Variants in TTYH1 observed in about 807,000 individuals in gnomAD.
The protein encoded by TTYH1 is tweety family member 1.
TTYH1 carries 33 observed loss-of-function variants against 61.2 expected under a neutral mutation model. The ratio of observed to expected loss-of-function variants is 0.54; its 90% confidence interval spans 0.41 to 0.72. The LOEUF (loss-of-function observed/expected upper bound fraction) is 0.72, where lower values mean the gene tolerates loss of function less well. Ranked by LOEUF, TTYH1 falls within the 30% of genes least tolerant of loss-of-function variation. The pLI, the probability that TTYH1 is intolerant of heterozygous loss-of-function variation, is 0.00. For missense variants in TTYH1, 538 were observed against 575.8 expected (o/e 0.93, Z 0.67); for synonymous variants, 308 against 266.4 (o/e 1.16, Z -1.52).
Position 54,436,807 on chromosome 19 carries a change from C to T in TTYH1, c.*517C>T, listed in dbSNP as rs2083563065. The T allele has an allele frequency of 5.6e-6, 1 of 178,932 alleles. No homozygotes were observed. Among genetic ancestry groups the T allele is most frequent in the African/African-American group, 2.4e-5 (1 of 42,250 alleles). The allele number at this position is 178,932 out of a possible 1,614,324, so 11.1% of individuals were successfully genotyped here. On this transcript the variant is annotated 3_prime_UTR_variant, in exon 14 of 14. Coordinates refer to ENST00000376530, the MANE Select transcript of TTYH1 (RefSeq NM_020659.4). This position sits in a 1 kb window ranked among gnomAD's most constrained non-coding sequence, Gnocchi z 4.3. ...TCCCTGCTGTCCTCTCTCCCCCGGC[C>T]TCCCAGCTGCCAGGAATTTCTGCGC...
At chr19:54,426,146 C>G (rs1232627167) in intron 4 of TTYH1, among the ~76,000 whole-genome samples, 1 of 151,878 alleles carries the variant, frequency 6.6e-6, no homozygotes, top group Non-Finnish European at 1.5e-5. Context: ...TATTCTCAAG[C>G]CAGTGTTGTT....
chr19:54,428,710 C>T (rs531047238), intron 5 of TTYH1, among the ~76,000 whole-genome samples: 34 of 152,270 alleles, frequency 2.2e-4, no homozygotes, highest in African/African-American at 7.0e-4. Context: ...CCTCCATTGC[C>T]CCTGAGAGAG....
rs776089398 is a variant in TTYH1, at chr19:54,421,309, G to A, written c.338G>A (p.Ser113Asn). The A allele has an allele frequency of 1.5e-5, 24 of 1,613,642 alleles. No homozygotes were observed. The South Asian group carries it at 2.5e-4, about 17-fold the overall frequency. The change falls in exon 3 of 14, where the codon AGT becomes AAT. Residue 113 changes from serine to asparagine, a missense_variant. By Grantham distance (46) the Ser-to-Asn change is conservative. Around this residue, in one of 3 missense-constraint regions of TTYH1, gnomAD observed 157 missense variants for 157.0 expected, o/e 1.00. Transcript: ENST00000376530. The surrounding 1 kb of genome is among the most constrained non-coding windows in gnomAD (Gnocchi z 4.8). ...TGIGIGFYGN[S>N]ETSDGVSQLS... ...ATTGGCATCGGTTTCTATGGCAACAGTGAGACCAGTGATGGGGTGTCCCAG... is the reference window on the plus strand; with the variant it reads ...ATTGGCATCGGTTTCTATGGCAACAATGAGACCAGTGATGGGGTGTCCCAG...
chr19:54,428,308 C>G (rs1024026701), intron 5 of TTYH1, among the ~76,000 whole-genome samples: 3 of 151,834 alleles, frequency 2.0e-5, no homozygotes, highest in African/African-American at 7.3e-5. Context: ...AGGATGGTCT[C>G]AAACTCCTGA....
intron 5 of TTYH1, among the ~76,000 whole-genome samples, chr19:54,427,180 C>T (rs549987140): frequency 5.7e-4 from 86 of 150,140 alleles, no homozygotes; most frequent in African/African-American, 2.1e-3. Context: ...GCCTGTAGTC[C>T]CAGCTACTCA....
chr19:54,416,661 G>A lies in TTYH1; in HGVS notation c.126+983G>A, dbSNP rs2083083522. On this transcript the variant is annotated intron_variant, in intron 1 of 13. Transcript: ENST00000376530. This position sits in a 1 kb window ranked among gnomAD's most constrained non-coding sequence, Gnocchi z 7.0. Reference sequence around the variant, plus strand: ...CGTGGAGGGGGTCCCAGAAAAGCGCGGAGGGGATGAGTGCTGTGTTCTGAG... The same window carrying A: ...CGTGGAGGGGGTCCCAGAAAAGCGCAGAGGGGATGAGTGCTGTGTTCTGAG... The A allele has an allele frequency of 2.0e-6, 2 of 1,008,390 alleles. No homozygotes were observed. Among genetic ancestry groups the A allele is most frequent in the African/African-American group, 3.4e-5 (2 of 58,834 alleles). The allele number at this position is 1,008,390 out of a possible 1,614,324, so 62.5% of individuals were successfully genotyped here. A position where few individuals can be genotyped will look rare whatever the true frequency, so the allele number is the denominator to read the frequency against.
At position 54,416,148 on chromosome 19, in the gene TTYH1, G is replaced by T. The variant is rs1406505004; in HGVS notation, c.126+470G>T. On this transcript the variant is annotated intron_variant, in intron 1 of 13. Transcript: ENST00000376530. The surrounding 1 kb of genome is among the most constrained non-coding windows in gnomAD (Gnocchi z 7.0). ...CGGGGAAAACGCTGGCTGCTGCGGT[G>T]CTGGGATGGGATTGAGAGTCTGAAA... 6 of 1,123,448 alleles carry T rather than the reference G, an allele frequency of 5.3e-6. No homozygotes were observed. Among genetic ancestry groups the T allele is most frequent in the Non-Finnish European group, 7.3e-6 (6 of 825,006 alleles). The allele number at this position is 1,123,448 out of a possible 1,614,324, so 69.6% of individuals were successfully genotyped here.
At chr19:54,435,449 C>G (rs1350205568) in intron 10 of TTYH1, 93 bp from the exon 11 acceptor site, 1 of 1,467,280 alleles carries the variant, frequency 6.8e-7, no homozygotes, top group Non-Finnish European at 9.1e-7. Context: ...GTGTGCAGTA[C>G]CACAGCCGGG....
In TTYH1 at chr19:54,433,931, A is replaced by T. The variant is rs925438999; in HGVS notation, c.1126-1611A>T. ...TCTGCCTGGCAGGGCTGTTGTGAGG[A>T]TGAAGGACAGTGTGCATGTACCAAT... On this transcript the variant is annotated intron_variant, in intron 10 of 13. Transcript: ENST00000376530. 1.1e-4 allele frequency among the ~76,000 whole-genome samples: 16 copies of T among 152,072 alleles called. No homozygotes were observed. In the East Asian group the frequency reaches 2.7e-3, roughly 26 times the overall value.
chr19:54,426,362 T>G (rs2122904402), intron 4 of TTYH1: 3 of 382,014 alleles, frequency 7.9e-6, no homozygotes, highest in Non-Finnish European at 4.8e-6. Context: ...GGGTTGGGGA[T>G]GGGGAGCTCG....
intron 9 of TTYH1, 84 bp downstream of exon 9, chr19:54,430,989 G>A: frequency 6.5e-7 from 1 of 1,543,206 alleles, no homozygotes; most frequent in South Asian, 1.1e-5. Context: ...CGTAGGCGGG[G>A]CTGCAGAGCT....
In TTYH1 at chr19:54,422,366, C is replaced by G; in HGVS notation, c.594C>G (p.Ser198Arg). The G allele has an allele frequency of 5.1e-6, 8 of 1,575,390 alleles. No homozygotes were observed. Among genetic ancestry groups the G allele is most frequent in the Non-Finnish European group, 6.9e-6 (8 of 1,161,126 alleles). The change falls in exon 4 of 14, where the codon AGC becomes AGG. Residue 198 changes from serine (S) to arginine (R), a missense_variant. By Grantham distance (110) the Ser-to-Arg change is moderately radical. Coordinates refer to ENST00000376530, the MANE Select transcript of TTYH1 (RefSeq NM_020659.4). Reference sequence around the variant, plus strand: ...CCTTCTGGCAGGGAGTGCCCCTGAGCCCCCTGCAGGTGGCTGAAAATGTGT... The same window carrying G: ...CCTTCTGGCAGGGAGTGCCCCTGAGGCCCCTGCAGGTGGCTGAAAATGTGT... ...GLAFWQGVPL[S>R]PLQVAENVSF...
Position 54,425,153 on chromosome 19 carries a change from G to A in TTYH1, c.639-1520G>A, listed in dbSNP as rs192681057. Among the ~76,000 whole-genome samples the A allele has an allele frequency of 8.2e-3, 1,246 of 152,348 alleles. 6 individuals are homozygous for A. Among genetic ancestry groups the A allele is most frequent in the Non-Finnish European group, 0.013 (896 of 68,036 alleles). The stretch of plus-strand genomic sequence containing the variant: ...AGGAACAATGGCGAGCCTCTAGCCC[G>A]ATTGGGAGCGGCAATGGGTGTCTCC... On this transcript the variant is annotated intron_variant, in intron 4 of 13. Transcript: ENST00000376530.
At chr19:54,428,023 C>T (rs1599905546) in intron 5 of TTYH1, among the ~76,000 whole-genome samples, 1 of 151,818 alleles carries the variant, frequency 6.6e-6, no homozygotes, top group Admixed American at 6.6e-5. Flanking sequence ...GTGATCCCCC[C>T]ACCTCAGCCT....
Position 54,435,515 on chromosome 19 carries a change from C to T in TTYH1, c.1126-27C>T, listed in dbSNP as rs530585301. 5.9e-5 allele frequency: 93 copies of T among 1,569,582 alleles called. No individual in the cohort carries two copies. The South Asian group carries it at 1.0e-3, about 18-fold the overall frequency. The stretch of plus-strand genomic sequence containing the variant: ...GCCGATGGGGGAGGGGGTGGGGACG[C>T]ATGGCCTGATGACGCCCTCCCCTCA... On this transcript the variant is annotated intron_variant, in intron 10 of 13. Transcript: ENST00000376530.
In TTYH1 at chr19:54,420,617, T is replaced by C. The variant is rs34969264; in HGVS notation, c.306-660T>C. 54,933 of 162,394 alleles carry C rather than the reference T, an allele frequency of 0.34. 9,936 individuals are homozygous for C. The highest frequency in any genetic ancestry group is 0.45 in the Middle Eastern group (133 of 296). The allele number at this position is 162,394 out of a possible 1,614,324, so 10.1% of individuals were successfully genotyped here. ...CCCACAATGGAGCTCTGTGTGTCGG[T>C]AGGGTGGGGGCGGGGGCACGGCTTC... On this transcript the variant is annotated intron_variant, in intron 2 of 13. Transcript: ENST00000376530. This position sits in a 1 kb window ranked among gnomAD's most constrained non-coding sequence, Gnocchi z 4.8.
intron 5 of TTYH1, among the ~76,000 whole-genome samples, chr19:54,427,652 T>C (rs1202948968): frequency 2.6e-5 from 4 of 151,386 alleles, no homozygotes; most frequent in Middle Eastern, 3.4e-3. Context: ...GATGATCTAT[T>C]GAGGGTCATG....
Position 54,431,131 on chromosome 19 carries a change from T to C in TTYH1, c.1065T>C (p.Asn355=). ...TGCTGTCCTTGGAGGAGACTCTGAA[T>C]GTGACAGAAGGAAATTTCCACCAGT... The part of the protein sequence containing the change: ...KPLLSLEETL[N]VTEGNFHQLV... The change falls in exon 10 of 14, where the codon AAT becomes AAC. Residue 355 remains asparagine, a synonymous_variant. Coordinates refer to ENST00000376530, the MANE Select transcript of TTYH1 (RefSeq NM_020659.4). The C allele has an allele frequency of 6.2e-7, 1 of 1,614,038 alleles. No homozygotes were observed. Among genetic ancestry groups the C allele is most frequent in the Non-Finnish European group, 8.5e-7 (1 of 1,179,932 alleles).
In TTYH1 at chr19:54,436,287, G is replaced by T; in HGVS notation, c.*43-46G>T. 1 of 1,613,722 alleles carries T rather than the reference G, an allele frequency of 6.2e-7. No homozygotes were observed. Among genetic ancestry groups the T allele is most frequent in the East Asian group, 2.2e-5 (1 of 44,880 alleles). ...CCTGCTGGGTGGATCGCACCGGGCA[G>T]GCCCTCCAGCCTGCATCACTGCCCT... On this transcript the variant is annotated intron_variant, in intron 13 of 13. Coordinates refer to ENST00000376530, the MANE Select transcript of TTYH1 (RefSeq NM_020659.4). This position sits in a 1 kb window ranked among gnomAD's most constrained non-coding sequence, Gnocchi z 4.3.
Sources: allele counts gnomAD v4.1 joint callset (sites outside exome capture counted in the v4.1 genomes callset), GRCh38; gene constraint gnomAD v4.1.1; regional missense constraint gnomAD v4.1.1; non-coding constraint Gnocchi (gnomAD v3.1); transcripts MANE v1.5; gene names NCBI Gene and HGNC (gene_info 2026-07-23, HGNC 2026-07-21).